The following ATP2A3 variants were observed in gnomAD, a reference collection of about 807,000 sequenced individuals.
ATP2A3 encodes ATPase sarcoplasmic/endoplasmic reticulum Ca2+ transporting 3.
A neutral mutation model predicts 106.8 loss-of-function variants in ATP2A3; 61 were observed. The observed-to-expected ratio is 0.57, with a 90% CI of 0.46 to 0.71. The LOEUF is 0.71. ATP2A3 is among the 30% of genes least tolerant of loss of function. ATP2A3 has a pLI of 0.00. For synonymous variants in ATP2A3, 611 were observed against 609.3 expected (o/e 1.00, Z -0.04); for missense variants, 1,201 against 1,423.5 (o/e 0.84, Z 2.52).
chr17:3,939,655 T>C (rs2053628242), intron 14 of ATP2A3, among the ~76,000 whole-genome samples: 1 of 151,366 alleles, frequency 6.6e-6, no homozygotes, highest in South Asian at 2.1e-4. Context: ...GGCATGGTGG[T>C]GCGCGCCTGT....
At chr17:3,952,816 T>G (rs767412212) in intron 3 of ATP2A3, among the ~76,000 whole-genome samples, 1 of 152,162 alleles carries the variant, frequency 6.6e-6, no homozygotes, top group Admixed American at 6.5e-5. Context: ...GGTCTCAAAC[T>G]CCTGGGCTCA....
intron 12 of ATP2A3, among the ~76,000 whole-genome samples, chr17:3,941,873 G>T (rs1379248855): frequency 6.6e-6 from 1 of 152,158 alleles, no homozygotes; most frequent in Non-Finnish European, 1.5e-5. Flanking sequence ...AGTGTGCTGG[G>T]GTGGGGGCAG....
At chr17:3,951,196 A>T (rs565652586) in intron 5 of ATP2A3, 55 bp downstream of exon 5, 26,948 of 1,195,742 alleles carry the variant, frequency 0.023, 386 homozygotes, top group Non-Finnish European at 0.026. Context: ...ATAAATAAAT[A>T]AAATAAATAA....
intron 1 of ATP2A3, among the ~76,000 whole-genome samples, chr17:3,960,854 G>A (rs149134795): frequency 0.026 from 3,911 of 152,250 alleles, 86 homozygotes; most frequent in Non-Finnish European, 0.045. Flanking sequence ...CCACCCCCAG[G>A]AATGCGTCCT....
Position 3,936,605 on chromosome 17 carries a change from T to A in ATP2A3, c.2322-136A>T. ...AGCAGCCCCTCCTCCCTCCGCCAGC[T>A]GTGATGTGAAGGGTGTGTGTACACA... On this transcript the variant is annotated intron_variant, in intron 15 of 20. Coordinates refer to ENST00000397041, the MANE Select transcript of ATP2A3 (RefSeq NM_005173.4). This position sits in a 1 kb window ranked among gnomAD's most constrained non-coding sequence, Gnocchi z 5.4. 1.1e-6 allele frequency: 1 copy of A among 927,752 alleles called. No homozygotes were observed. Among genetic ancestry groups the A allele is most frequent in the Non-Finnish European group, 1.7e-6 (1 of 583,634 alleles). 57.5% of individuals were successfully genotyped at this position (927,752 alleles called of 1,614,324 possible).
Position 3,955,746 on chromosome 17 carries a change from C to T in ATP2A3, c.119-2036G>A, listed in dbSNP as rs550330348. On this transcript the variant is annotated intron_variant, in intron 1 of 20. Coordinates refer to ENST00000397041, the MANE Select transcript of ATP2A3 (RefSeq NM_005173.4). The surrounding 1 kb of genome is among the most constrained non-coding windows in gnomAD (Gnocchi z 4.2). ...CACCTTTCTTTATTCTGGGCAGGGGCGAGGCCTGGGGTTGGGAAGCGTGTC... is the reference window on the plus strand; with the variant it reads ...CACCTTTCTTTATTCTGGGCAGGGGTGAGGCCTGGGGTTGGGAAGCGTGTC... 1.3e-5 allele frequency among the ~76,000 whole-genome samples: 2 copies of T among 152,238 alleles called. No individual in the cohort carries two copies. Among genetic ancestry groups the T allele is most frequent in the South Asian group, 2.1e-4 (1 of 4,820 alleles).
intron 9 of ATP2A3, 47 bp downstream of exon 9, chr17:3,945,013 C>G: frequency 6.9e-7 from 1 of 1,453,700 alleles, no homozygotes; most frequent in Non-Finnish European, 9.1e-7. Context: ...CACGCGTGGC[C>G]CCGCCCCCAG....
chr17:3,954,502 T>TC (rs1199717330), intron 1 of ATP2A3, among the ~76,000 whole-genome samples: 251 of 151,016 alleles, frequency 1.7e-3, no homozygotes, highest in Middle Eastern at 3.4e-3. Context: ...TGCTGATTTT[T>TC]TTTTTTTTTT....
chr17:3,936,190 CTG>C lies in ATP2A3; in HGVS notation c.2524+75_2524+76del. 1 of 1,559,412 alleles carries C rather than the reference CTG, an allele frequency of 6.4e-7. No homozygotes were observed. The highest frequency in any genetic ancestry group is 1.1e-5 in the South Asian group (1 of 89,932). ...CTGGCACAAGCCAGGCTGAGTCACA[CTG>C]TCTGCAGCTTGCAAGCCTGATACAA... On this transcript the variant is annotated intron_variant, in intron 16 of 20. Transcript: ENST00000397041. This position sits in a 1 kb window ranked among gnomAD's most constrained non-coding sequence, Gnocchi z 5.4.
rs1046119234 is a variant in ATP2A3 at position 3,953,854 on chromosome 17, T to C, written c.119-144A>G. ...GACTGGATGTATCCCCAGGGCTCTC[T>C]GAGGCCACAGGATAAATGGTTTGAG... is the stretch of plus-strand genomic sequence containing the variant. On this transcript the variant is annotated intron_variant, in intron 1 of 20. Transcript: ENST00000397041. The surrounding 1 kb of genome is among the most constrained non-coding windows in gnomAD (Gnocchi z 5.1). The C allele has an allele frequency of 4.4e-6, 4 of 900,556 alleles. No individual in the cohort carries two copies. Among genetic ancestry groups the C allele is most frequent in the Non-Finnish European group, 7.2e-6 (4 of 557,304 alleles). The allele number at this position is 900,556 out of a possible 1,614,324, so 55.8% of individuals were successfully genotyped here.
Position 3,945,128 on chromosome 17 carries a change from G to A in ATP2A3, c.1116C>T (p.Ala372=), listed in dbSNP as rs2054037412. The part of the protein sequence containing the change: ...SVCRMFVVAE[A]DAGSCLLHEF... ...CGTGCAAAAGGCAGGAGCCCGCATC[G>A]GCCTCGGCTACCACGAACATCTGGG... is the stretch of plus-strand genomic sequence containing the variant. The change falls in exon 9 of 21, where the codon GCC becomes GCT. Residue 372 remains alanine (A), a synonymous_variant. Transcript: ENST00000397041. 1 of 1,547,950 alleles carries A rather than the reference G, an allele frequency of 6.5e-7. No homozygotes were observed. The highest frequency in any genetic ancestry group is 1.2e-5 in the South Asian group (1 of 83,986).
chr17:3,941,266 G>T lies in ATP2A3; in HGVS notation c.1805C>A (p.Pro602Gln). The change falls in exon 14 of 21, where the codon CCG becomes CAG. Residue 602 changes from proline (P) to glutamine (Q), a missense_variant. Around this residue, in one of 2 missense-constraint regions of ATP2A3, gnomAD observed 935 missense variants for 1,176.7 expected, o/e 0.79. Coordinates refer to ENST00000397041, the MANE Select transcript of ATP2A3 (RefSeq NM_005173.4). Reference protein sequence around the residue: ...TFVGCVGMLDPPRPEVAACIT... With the variant: ...TFVGCVGMLDQPRPEVAACIT... ...GCAGGCAGCCACCTCAGGTCGCGGCGGGTCCAGCATGCCTACGCAGCCCAC... is the reference window on the plus strand; with the variant it reads ...GCAGGCAGCCACCTCAGGTCGCGGCTGGTCCAGCATGCCTACGCAGCCCAC... The T allele has an allele frequency of 1.2e-6, 2 of 1,613,818 alleles. No homozygotes were observed. The highest frequency in any genetic ancestry group is 8.5e-7 in the Non-Finnish European group (1 of 1,179,996).
Position 3,955,013 on chromosome 17 carries a change from A to T in ATP2A3, c.119-1303T>A, listed in dbSNP as rs1320224178. ...GAGTGAGTGGGTCTGTGTGGGGATG[A>T]GAGGGGCGGGAGCCAGGCTCTGCAG... On this transcript the variant is annotated intron_variant, in intron 1 of 20. Coordinates refer to ENST00000397041, the MANE Select transcript of ATP2A3 (RefSeq NM_005173.4). The surrounding 1 kb of genome is among the most constrained non-coding windows in gnomAD (Gnocchi z 4.2). 6.6e-6 allele frequency among the ~76,000 whole-genome samples: 1 copy of T among 152,146 alleles called. No individual in the cohort carries two copies. Among genetic ancestry groups the T allele is most frequent in the Non-Finnish European group, 1.5e-5 (1 of 68,020 alleles).
intron 7 of ATP2A3, among the ~76,000 whole-genome samples, chr17:3,949,415 C>T (rs925459409): frequency 3.3e-5 from 5 of 152,226 alleles, no homozygotes; most frequent in Non-Finnish European, 7.3e-5. Context: ...GACCGGGCAT[C>T]ATGCCTTGTG....
intron 14 of ATP2A3, among the ~76,000 whole-genome samples, chr17:3,939,003 C>CAAAAAATT (rs927797725): frequency 2.0e-5 from 3 of 151,868 alleles, no homozygotes; most frequent in Non-Finnish European, 2.9e-5. Flanking sequence ...CTCATCTCTA[C>CAAAAAATT]AAAAAATTAA....
At chr17:3,933,431 A>G (rs2053231984) in intron 17 of ATP2A3, among the ~76,000 whole-genome samples, 1 of 149,300 alleles carries the variant, frequency 6.7e-6, no homozygotes, top group South Asian at 2.1e-4. Flanking sequence ...GGCCTCTGGA[A>G]TTATTCATTA....
rs2054738161 is a variant in ATP2A3 at position 3,955,782 on chromosome 17, C to T, written c.119-2072G>A. 1.3e-5 allele frequency among the ~76,000 whole-genome samples: 2 copies of T among 152,196 alleles called. No homozygotes were observed. Among genetic ancestry groups the T allele is most frequent in the African/African-American group, 2.4e-5 (1 of 41,444 alleles). On this transcript the variant is annotated intron_variant, in intron 1 of 20. Coordinates refer to ENST00000397041, the MANE Select transcript of ATP2A3 (RefSeq NM_005173.4). The surrounding 1 kb of genome is among the most constrained non-coding windows in gnomAD (Gnocchi z 4.2). ...GTTGGGAAGCGTGTCATGGGGTACACGTGCCAGCTCCAGTCCTGGACTTCC... is the reference window on the plus strand; with the variant it reads ...GTTGGGAAGCGTGTCATGGGGTACATGTGCCAGCTCCAGTCCTGGACTTCC...
chr17:3,953,164 G>A lies in ATP2A3; in HGVS notation c.219+183C>T. ...AGGTGGGAGCCGGGGACCCAATGTA[G>A]GGGCCATGAGGGTTCAGGCAAGGGA... is the stretch of plus-strand genomic sequence containing the variant. On this transcript the variant is annotated intron_variant, in intron 3 of 20. Coordinates refer to ENST00000397041, the MANE Select transcript of ATP2A3 (RefSeq NM_005173.4). The surrounding 1 kb of genome is among the most constrained non-coding windows in gnomAD (Gnocchi z 5.1). The A allele has an allele frequency of 1.5e-6, 1 of 679,516 alleles. No individual in the cohort carries two copies. The highest frequency in any genetic ancestry group is 2.6e-6 in the Non-Finnish European group (1 of 382,170). The allele number at this position is 679,516 out of a possible 1,614,324, so 42.1% of individuals were successfully genotyped here.
Position 3,925,700 on chromosome 17 carries a change from C to T in ATP2A3, c.2981-259G>A, listed in dbSNP as rs532376120. On this transcript the variant is annotated intron_variant, in intron 20 of 20. Transcript: ENST00000397041. This position sits in a 1 kb window ranked among gnomAD's most constrained non-coding sequence, Gnocchi z 4.2. Reference sequence around the variant, plus strand: ...CCCCAAACCCTCCAGTACATACTCTCCTGGTTTTCATTTTGGGGAATCACC... The same window carrying T: ...CCCCAAACCCTCCAGTACATACTCTTCTGGTTTTCATTTTGGGGAATCACC... Among the ~76,000 whole-genome samples the T allele has an allele frequency of 6.6e-6, 1 of 151,686 alleles. No homozygotes were observed. The highest frequency in any genetic ancestry group is 2.1e-4 in the South Asian group (1 of 4,788).
Sources: gnomAD v4.1 joint callset for allele counts (sites outside exome capture counted in the v4.1 genomes callset) on GRCh38, gnomAD v4.1.1 for gene constraint, gnomAD v4.1.1 regional missense constraint, Gnocchi (gnomAD v3.1) non-coding constraint, MANE v1.5 for transcripts, NCBI Gene and HGNC (gene_info 2026-07-23, HGNC 2026-07-21) for gene names.